The following RBFOX2 variants were observed in gnomAD, a reference collection of about 807,000 sequenced individuals.
The protein encoded by RBFOX2 is RNA binding protein fox-1 homolog 2.
RBFOX2 carries 10 observed loss-of-function variants against 49.1 expected under a neutral mutation model. The observed-to-expected ratio is 0.20, with a 90% CI of 0.13 to 0.35. RBFOX2 has a LOEUF of 0.35. Among genes scored for constraint, RBFOX2 ranks in the 10% least tolerant of loss-of-function variants. The pLI, the probability that RBFOX2 is intolerant of heterozygous loss-of-function variation, is 1.00. For synonymous variants in RBFOX2, 183 were observed against 187.4 expected (o/e 0.98, Z 0.19); for missense variants, 323 against 486.9 (o/e 0.66, Z 3.17).
chr22:35,853,658 C>CGTGTGTGTGTGTGT lies in RBFOX2; in HGVS notation c.-33-43668_-33-43655dup, dbSNP rs36048607. On this transcript the variant is annotated intron_variant, in intron 1 of 13. Coordinates refer to the RBFOX2 transcript ENST00000359369. ...CCATACATATACATATATATACACA[C>CGTGTGTGTGTGTGT]GTGTGTGTGTGTGTGTGTGTGTGTG... is the stretch of plus-strand genomic sequence containing the variant. Among the ~76,000 whole-genome samples the CGTGTGTGTGTGTGT allele has an allele frequency of 7.1e-5, 10 of 141,140 alleles. No individual in the cohort carries two copies. The East Asian group carries it at 1.3e-3, about 18-fold the overall frequency. The allele number at this position is 141,140 out of a possible 152,430, so 92.6% of individuals were successfully genotyped here.
chr22:35,922,333 C>A (rs562114225), intron 1 of RBFOX2, among the ~76,000 whole-genome samples: 20 of 151,798 alleles, frequency 1.3e-4, no homozygotes, highest in African/African-American at 4.8e-4. Context: ...GTAATCCCAG[C>A]ACTTTGGGAG....
chr22:35,792,124 C>A (rs1259575237), intron 2 of RBFOX2, among the ~76,000 whole-genome samples: 1 of 151,622 alleles, frequency 6.6e-6, no homozygotes, highest in African/African-American at 2.4e-5. Context: ...TGAGACCAGC[C>A]TGGCCAACAT....
In RBFOX2 at chr22:35,822,503, G is replaced by A. The variant is rs561641874; in HGVS notation, c.28-12499C>T. Among the ~76,000 whole-genome samples, 73 of 152,128 alleles carry A rather than the reference G, an allele frequency of 4.8e-4. 1 individual carries two copies. The highest frequency in any genetic ancestry group is 1.5e-3 in the African/African-American group (62 of 41,490). Reference sequence around the variant, plus strand: ...CTCTAAGACTTCTAATGATCCTCACGTACTGGTAACCCAGGTAAAAGGACT... The same window carrying A: ...CTCTAAGACTTCTAATGATCCTCACATACTGGTAACCCAGGTAAAAGGACT... On this transcript the variant is annotated intron_variant, in intron 1 of 11. Coordinates refer to ENST00000405409, the Ensembl canonical transcript of RBFOX2.
At chr22:35,922,927 T>C (rs1461024715) in intron 1 of RBFOX2, among the ~76,000 whole-genome samples, 1 of 152,176 alleles carries the variant, frequency 6.6e-6, no homozygotes, top group Non-Finnish European at 1.5e-5. Flanking sequence ...TTTTAAACTA[T>C]TGATAAATGT....
intron 1 of RBFOX2, chr22:35,992,179 T>C (rs1437401019): frequency 6.6e-6 from 1 of 152,136 alleles, no homozygotes; most frequent in East Asian, 1.9e-4. Context: ...TTAAGATATA[T>C]CCTCTGAAAT....
intron 9 of RBFOX2, chr22:35,752,730 A>T (rs997389365): frequency 3.9e-6 from 3 of 769,504 alleles, no homozygotes; most frequent in Non-Finnish European, 4.7e-6. Context: ...AAAGCCCACT[A>T]AGGGGCCCAC....
chr22:35,995,651 T>A (rs1603463913), intron 1 of RBFOX2: 4 of 154,316 alleles, frequency 2.6e-5, no homozygotes, highest in South Asian at 2.0e-4. Flanking sequence ...CCCTTCACAC[T>A]CTCTCTCTCT....
intron 4 of RBFOX2, among the ~76,000 whole-genome samples, chr22:35,776,457 T>C (rs553222407): frequency 6.6e-6 from 1 of 152,228 alleles, no homozygotes; most frequent in Admixed American, 6.5e-5. Flanking sequence ...ACTTTTAGTG[T>C]TGATACATTC....
intron 1 of RBFOX2, among the ~76,000 whole-genome samples, chr22:35,932,449 A>G (rs893086849): frequency 3.9e-5 from 6 of 152,218 alleles, no homozygotes; most frequent in Non-Finnish European, 7.3e-5. Context: ...TGTCTATGTT[A>G]TATTTGTCAA....
At chr22:35,768,399 A>T in intron 4 of RBFOX2, 50 bp from the exon 6 acceptor site, 1 of 1,463,936 alleles carries the variant, frequency 6.8e-7, no homozygotes, top group Non-Finnish European at 9.6e-7. Context: ...TTATATTGAA[A>T]TACTGATCTC....
rs974923741 is a variant in RBFOX2 at position 35,745,776 on chromosome 22, A to G, written c.1049+147T>C. On this transcript the variant is annotated intron_variant, in intron 11 of 11. Transcript: ENST00000405409. ...ATAACACACAAATAAAGAGGGTGAC[A>G]TGAAACTTCCAGGTAGATCTATGTG... 3.9e-6 allele frequency: 3 copies of G among 771,718 alleles called. No individual in the cohort carries two copies. The African/African-American group carries it at 5.2e-5, about 13-fold the overall frequency. The allele number at this position is 771,718 out of a possible 1,614,324, so 47.8% of individuals were successfully genotyped here.
intron 1 of RBFOX2, among the ~76,000 whole-genome samples, chr22:36,021,252 G>A (rs1172785962): frequency 9.3e-6 from 1 of 107,866 alleles, no homozygotes; most frequent in African/African-American, 3.6e-5. Context: ...GTCCTGGGGT[G>A]GGGGGAGGGG....
chr22:35,914,520 A>G (rs1479179297), intron 1 of RBFOX2, among the ~76,000 whole-genome samples: 1 of 152,220 alleles, frequency 6.6e-6, no homozygotes, highest in Non-Finnish European at 1.5e-5. Context: ...TTCAAGTTCA[A>G]TGCAATGTAC....
At chr22:35,840,479 G>A (rs1958547078) in exon 1 of RBFOX2, 5 of 1,382,906 alleles carry the variant, frequency 3.6e-6, no homozygotes, top group Non-Finnish European at 2.8e-6. Context: ...CCCCACCCCT[G>A]AATGCCTAAG....
intron 1 of RBFOX2, among the ~76,000 whole-genome samples, chr22:35,918,954 CT>C (rs2050723414): frequency 1.3e-5 from 2 of 151,918 alleles, no homozygotes; most frequent in Non-Finnish European, 2.9e-5. Flanking sequence ...CTTCACCTTT[CT>C]TTTCCCAACA....
Position 35,745,801 on chromosome 22 carries a change from G to T in RBFOX2, c.1049+122C>A, listed in dbSNP as rs534592045. 1.9e-5 allele frequency: 18 copies of T among 958,630 alleles called. No individual in the cohort carries two copies. In the East Asian group the frequency reaches 4.4e-4, roughly 23 times the overall value. 59.4% of individuals were successfully genotyped at this position (958,630 alleles called of 1,614,324 possible). On this transcript the variant is annotated intron_variant, in intron 11 of 11. Coordinates refer to ENST00000405409, the Ensembl canonical transcript of RBFOX2. ...ATGAAACTTCCAGGTAGATCTATGTGGCTTTAATACCTTGATGGTGGATGA... is the reference window on the plus strand; with the variant it reads ...ATGAAACTTCCAGGTAGATCTATGTTGCTTTAATACCTTGATGGTGGATGA...
At chr22:35,803,933 G>C (rs1229481913) in intron 2 of RBFOX2, among the ~76,000 whole-genome samples, 1 of 152,176 alleles carries the variant, frequency 6.6e-6, no homozygotes, top group Non-Finnish European at 1.5e-5. Flanking sequence ...TTTAGGTTCA[G>C]ACTGAATTTT....
At chr22:35,972,551 T>A (rs1457704035) in intron 1 of RBFOX2, among the ~76,000 whole-genome samples, 1 of 152,160 alleles carries the variant, frequency 6.6e-6, no homozygotes, top group African/African-American at 2.4e-5. Context: ...AAATTATTTA[T>A]CCTTCCTAGG....
intron 2 of RBFOX2, among the ~76,000 whole-genome samples, chr22:35,794,065 A>G (rs531463028): frequency 1.3e-5 from 2 of 152,160 alleles, no homozygotes; most frequent in African/African-American, 4.8e-5. Flanking sequence ...ATATCACCTC[A>G]ATTTTTTAAA....
Sources: gnomAD v4.1 joint callset for allele counts (sites outside exome capture counted in the v4.1 genomes callset) on GRCh38, gnomAD v4.1.1 for gene constraint, MANE v1.5 for transcripts, NCBI Gene and HGNC (gene_info 2026-07-23, HGNC 2026-07-21) for gene names.